Variants in PPP2R5B observed in about 807,000 individuals in gnomAD.
The protein encoded by PPP2R5B is protein phosphatase 2 regulatory subunit B'beta, also known as serine/threonine-protein phosphatase 2A 56 kDa regulatory subunit beta isoform.
PPP2R5B carries 19 observed loss-of-function variants against 59.9 expected under a neutral mutation model. That is an observed-to-expected ratio of 0.32 (90% confidence interval 0.22 to 0.47). PPP2R5B has a LOEUF of 0.47. Ranked by LOEUF, PPP2R5B falls within the 20% of genes least tolerant of loss-of-function variation. The pLI is 1.00. For synonymous variants in PPP2R5B, 286 were observed against 260.5 expected, an observed-to-expected ratio of 1.10 and a Z score of -0.94; for missense variants, 441 against 640.2, an observed-to-expected ratio of 0.69 and a Z score of 3.36.
At chr11:64,930,042 G>T (rs1945211340) in intron 6 of PPP2R5B, among the ~76,000 whole-genome samples, 1 of 152,200 alleles carries the variant, frequency 6.6e-6, no homozygotes, top group South Asian at 2.1e-4. Flanking sequence ...GTACGGAGTA[G>T]ATGTGCTAAG....
chr11:64,917,745 A>G (rs900927537), intron 1 of PPP2R5B: 1 of 152,302 alleles, frequency 6.6e-6, no homozygotes. Context: ...CTTTACAGGT[A>G]AGAAAACAGA....
At chr11:64,933,628 C>G in intron 13 of PPP2R5B, 69 bp from the exon 14 acceptor site, 1 of 1,487,892 alleles carries the variant, frequency 6.7e-7, no homozygotes. Context: ...GTGAGGGAGT[C>G]TGGACTGTGA....
At chr11:64,924,640 C>T (rs1945138818), upstream of PPP2R5B, 1 of 152,358 alleles carries the variant, frequency 6.6e-6, no homozygotes, top group African/African-American at 2.4e-5. Context: ...GACGCAGCCC[C>T]CCCTTTCAGC....
chr11:64,927,055 G>A, intron 3 of PPP2R5B, 147 bp downstream of exon 3: 2 of 971,754 alleles, frequency 2.1e-6, no homozygotes, highest in Non-Finnish European at 3.0e-6. Flanking sequence ...ACCTGCTGCT[G>A]CCCAACACCC....
At chr11:64,928,488 C>A (rs949948359) in intron 6 of PPP2R5B, 63 bp downstream of exon 6, 1 of 1,606,040 alleles carries the variant, frequency 6.2e-7, no homozygotes, top group Non-Finnish European at 8.5e-7. Context: ...TAGAAGACTG[C>A]GGCAAAGGCC....
rs1945258487 is a variant in PPP2R5B at position 64,933,974 on chromosome 11, C to T, written c.*130C>T. On this transcript the variant is annotated 3_prime_UTR_variant, in exon 14 of 14. Transcript: ENST00000164133. ...AGAGTGGCTTCTGAGGACTCCCTGC[C>T]CAGCCCAGCTTTCACTGGGGGGAGA... 4 of 1,169,380 alleles carry T rather than the reference C, an allele frequency of 3.4e-6. No individual in the cohort carries two copies. The highest frequency in any genetic ancestry group is 4.5e-6 in the Non-Finnish European group (4 of 881,750). The allele number at this position is 1,169,380 out of a possible 1,614,324, so 72.4% of individuals were successfully genotyped here.
chr11:64,922,691 G>A (rs1392450288), upstream of PPP2R5B, among the ~76,000 whole-genome samples: 4 of 151,848 alleles, frequency 2.6e-5, no homozygotes, highest in South Asian at 2.1e-4. Context: ...TGGCTAACAC[G>A]GTGAAACCCC....
Position 64,933,698 on chromosome 11 carries a change from GAGC to G in PPP2R5B, c.1354_1356del (p.Gln452del). On this transcript the variant is annotated inframe_deletion and splice_region_variant, in exon 14 of 14. Transcript: ENST00000164133. ...AGCTGCCTCACCCTCTCTCCCCAGG[GAGC>G]AGCAGAAGGCCCAGGAGCGTCAGGA... 6.4e-7 allele frequency: 1 copy of G among 1,553,586 alleles called. No homozygotes were observed. Among genetic ancestry groups the G allele is most frequent in the Non-Finnish European group, 8.7e-7 (1 of 1,148,072 alleles).
In PPP2R5B at chr11:64,934,442, G is replaced by A; in HGVS notation, c.*598G>A. 7.3e-6 allele frequency: 3 copies of A among 413,040 alleles called. No homozygotes were observed. The highest frequency in any genetic ancestry group is 2.4e-5 in the South Asian group (1 of 41,292). The allele number at this position is 413,040 out of a possible 1,614,324, so 25.6% of individuals were successfully genotyped here. On this transcript the variant is annotated 3_prime_UTR_variant, in exon 14 of 14. Transcript: ENST00000164133. ...ATCATGGTCTACTCCTCTTTCCGTG[G>A]CTGGGGGTAGACTTAATAAAGAGAG...
chr11:64,918,581 T>A (rs1945071124), intron 1 of PPP2R5B, among the ~76,000 whole-genome samples: 1 of 152,202 alleles, frequency 6.6e-6, no homozygotes, highest in African/African-American at 2.4e-5. Context: ...TCAGCCTGCC[T>A]TGGCCTCCCA....
intron 1 of PPP2R5B, among the ~76,000 whole-genome samples, chr11:64,918,621 G>A (rs532705956): frequency 2.6e-5 from 4 of 151,896 alleles, no homozygotes; most frequent in Admixed American, 6.6e-5. Context: ...ACGAGCCACC[G>A]TGCCCGGCCT....
Position 64,933,963 on chromosome 11 carries a change from GGACTCCCTGCCCAGC to G in PPP2R5B, c.*120_*134del. The G allele has an allele frequency of 1.3e-5, 16 of 1,270,084 alleles. No individual in the cohort carries two copies. Among genetic ancestry groups the G allele is most frequent in the Non-Finnish European group, 1.6e-5 (15 of 963,894 alleles). 78.7% of individuals were successfully genotyped at this position (1,270,084 alleles called of 1,614,324 possible). The stretch of plus-strand genomic sequence containing the variant: ...CTGGCCTTGCCAGAGTGGCTTCTGA[GGACTCCCTGCCCAGC>G]CCAGCTTTCACTGGGGGGAGACGAG... On this transcript the variant is annotated 3_prime_UTR_variant, in exon 14 of 14. Coordinates refer to ENST00000164133, the MANE Select transcript of PPP2R5B (RefSeq NM_006244.4).
rs1288763110 is a variant in PPP2R5B at position 64,933,819 on chromosome 11, T to C, written c.1469T>C (p.Val490Ala). ...CCCCTCCAGCGGCTTACACCCCAGGTGGCCGCCAGTGGGGGTCAGAGCTAG... is the reference window on the plus strand; with the variant it reads ...CCCCTCCAGCGGCTTACACCCCAGGCGGCCGCCAGTGGGGGTCAGAGCTAG... ...EAPLQRLTPQ[V>A]AASGGQS The change falls in exon 14 of 14, where the codon GTG (valine) becomes GCG (alanine). Residue 490 changes from valine (V) to alanine (A), a missense_variant. Val to Ala is a moderately conservative substitution (Grantham distance 64). Around this residue, in one of 3 missense-constraint regions of PPP2R5B, gnomAD observed 70 missense variants for 64.2 expected, o/e 1.09. Transcript: ENST00000164133. 6.5e-7 allele frequency: 1 copy of C among 1,548,318 alleles called. No homozygotes were observed. The highest frequency in any genetic ancestry group is 1.4e-5 in the African/African-American group (1 of 72,824).
chr11:64,919,832 A>G (rs575440245), upstream of PPP2R5B, among the ~76,000 whole-genome samples: 4 of 152,288 alleles, frequency 2.6e-5, no homozygotes, highest in Admixed American at 2.6e-4. Flanking sequence ...GCTGTTCACC[A>G]TATGCTCATG....
rs147663616 is a variant in PPP2R5B, at chr11:64,928,087, C to T, written c.520C>T (p.Arg174Cys). The T allele has an allele frequency of 4.3e-6, 7 of 1,614,036 alleles. No homozygotes were observed. The African/African-American group carries it at 5.3e-5, about 12-fold the overall frequency. ...HLQLVYEFFL[R>C]FLESPDFQPS... ...CCAGCTGGTATATGAGTTTTTCCTG[C>T]GTTTCTTGGAGAGCCCAGACTTCCA... The change falls in exon 5 of 14, where the codon CGT becomes TGT. Residue 174 changes from arginine to cysteine, a missense_variant. By Grantham distance (180) the Arg-to-Cys change is radical. Around this residue, in one of 3 missense-constraint regions of PPP2R5B, gnomAD observed 268 missense variants for 488.1 expected, o/e 0.55. Coordinates refer to ENST00000164133, the MANE Select transcript of PPP2R5B (RefSeq NM_006244.4).
At chr11:64,933,107 G>C in intron 12 of PPP2R5B, 38 bp from the exon 13 acceptor site, 1 of 1,561,004 alleles carries the variant, frequency 6.4e-7, no homozygotes, top group Non-Finnish European at 8.8e-7. Context: ...GCAAACCAAA[G>C]CTGTTTCATC....
chr11:64,927,660 T>C, intron 3 of PPP2R5B, 142 bp from the exon 4 acceptor site: 1 of 662,034 alleles, frequency 1.5e-6, no homozygotes, highest in Non-Finnish European at 2.6e-6. Context: ...TGAGTCGAGA[T>C]TGTACCACTG....
At position 64,925,630 on chromosome 11, in the gene PPP2R5B, C is replaced by T; in HGVS notation, c.-105C>T. 2.3e-6 allele frequency: 1 copy of T among 435,334 alleles called. No individual in the cohort carries two copies. Among genetic ancestry groups the T allele is most frequent in the Non-Finnish European group, 4.1e-6 (1 of 245,962 alleles). The allele number at this position is 435,334 out of a possible 1,614,324, so 27.0% of individuals were successfully genotyped here. A position where few individuals can be genotyped will look rare whatever the true frequency, so the allele number is the denominator to read the frequency against. ...TGTGGTTGTGCCCCCCCCCCAAAGG[C>T]CGGACAGGATGGGACCAAGTTAGTC... On this transcript the variant is annotated 5_prime_UTR_variant, in exon 2 of 14. Coordinates refer to ENST00000164133, the MANE Select transcript of PPP2R5B (RefSeq NM_006244.4). This position sits in a 1 kb window ranked among gnomAD's most constrained non-coding sequence, Gnocchi z 4.6.
intron 11 of PPP2R5B, among the ~76,000 whole-genome samples, chr11:64,932,486 C>A (rs1232726672): frequency 6.6e-6 from 1 of 152,214 alleles, no homozygotes; most frequent in African/African-American, 2.4e-5. Flanking sequence ...GCCCATTTTA[C>A]AGATGAGAAA....
Sources: allele counts gnomAD v4.1 joint callset (sites outside exome capture counted in the v4.1 genomes callset), GRCh38; gene constraint gnomAD v4.1.1; regional missense constraint gnomAD v4.1.1; non-coding constraint Gnocchi (gnomAD v3.1); transcripts MANE v1.5; gene names NCBI Gene and HGNC (gene_info 2026-07-23, HGNC 2026-07-21).